KIF13A: variants seen among roughly 807,000 people sequenced by gnomAD.
The protein encoded by KIF13A is kinesin-like protein KIF13A.
Under a neutral mutation model 212.2 loss-of-function variants are expected in KIF13A, and 79 were observed. That is an observed-to-expected ratio of 0.37 (90% CI 0.31 to 0.45). KIF13A has a LOEUF of 0.45. Ranked by LOEUF, KIF13A falls within the 20% of genes least tolerant of loss-of-function variation. KIF13A has a pLI of 1.00. For synonymous variants in KIF13A, 789 were observed against 808.6 expected, an observed-to-expected ratio of 0.98 and a Z score of 0.41; for missense variants, 1,901 against 2,209.0, an observed-to-expected ratio of 0.86 and a Z score of 2.79.
rs1206756156 is a variant in KIF13A at position 17,977,607 on chromosome 6, A to G, written c.146+9447T>C. On this transcript the variant is annotated intron_variant, in intron 2 of 38. Transcript: ENST00000259711. ...CGAAATGTAAGTGGGAGAAAAGCAA[A>G]ACACAATTGCAACAGCAAATATTTG... 1.3e-5 allele frequency among the ~76,000 whole-genome samples: 2 copies of G among 152,260 alleles called. 1 individual carries two copies. The highest frequency in any genetic ancestry group is 4.1e-4 in the South Asian group (2 of 4,834).
At chr6:17,770,907 A>C (rs1419955517) in intron 38 of KIF13A, 5 of 540,848 alleles carry the variant, frequency 9.2e-6, no homozygotes, top group Non-Finnish European at 1.5e-5. Context: ...AAGCAAACTT[A>C]AGCAAAAAAT....
chr6:17,793,949 G>C (rs1427576618), intron 25 of KIF13A, among the ~76,000 whole-genome samples: 1 of 151,930 alleles, frequency 6.6e-6, no homozygotes, highest in East Asian at 1.9e-4. Flanking sequence ...CCCAAAAAGT[G>C]GATCAGGTCA....
Position 17,810,000 on chromosome 6 carries a change from G to A in KIF13A, c.2001-1070C>T, listed in dbSNP as rs1763295535. Reference sequence around the variant, plus strand: ...CCAACACTTTGGGAAGCCGAGGTGGGAGGATCACTTGAGGCCAGGAGTTCA... The same window carrying A: ...CCAACACTTTGGGAAGCCGAGGTGGAAGGATCACTTGAGGCCAGGAGTTCA... On this transcript the variant is annotated intron_variant, in intron 17 of 38. Transcript: ENST00000259711. The surrounding 1 kb of genome is among the most constrained non-coding windows in gnomAD (Gnocchi z 4.7). Among the ~76,000 whole-genome samples the A allele has an allele frequency of 6.6e-6, 1 of 152,192 alleles. No homozygotes were observed.
At chr6:17,909,496 C>T (rs1040171632) in intron 2 of KIF13A, among the ~76,000 whole-genome samples, 1 of 145,864 alleles carries the variant, frequency 6.9e-6, no homozygotes, top group African/African-American at 2.6e-5. Flanking sequence ...GATCACGCCA[C>T]TGCACTCCAG....
intron 3 of KIF13A, among the ~76,000 whole-genome samples, chr6:17,875,145 T>A (rs1770431903): frequency 6.6e-6 from 1 of 152,000 alleles, no homozygotes; most frequent in Admixed American, 6.6e-5. Context: ...TATAATGACT[T>A]ATTTTCCTCT....
intron 22 of KIF13A, among the ~76,000 whole-genome samples, chr6:17,798,843 A>C (rs1762253851): frequency 6.6e-6 from 1 of 152,242 alleles, no homozygotes; most frequent in Non-Finnish European, 1.5e-5. Flanking sequence ...TATATTCATA[A>C]GAATCAGATG....
chr6:17,944,036 A>T (rs1581805000), intron 2 of KIF13A, among the ~76,000 whole-genome samples: 1 of 152,208 alleles, frequency 6.6e-6, no homozygotes, highest in South Asian at 2.1e-4. Context: ...ACACTTGCTG[A>T]AGATTTTTCT....
At chr6:17,948,868 A>C (rs1036676802) in intron 2 of KIF13A, among the ~76,000 whole-genome samples, 3 of 152,010 alleles carry the variant, frequency 2.0e-5, no homozygotes, top group African/African-American at 7.2e-5. Context: ...GCCTGGCCCA[A>C]ACATCTTTTT....
chr6:17,817,246 G>A lies in KIF13A; in HGVS notation c.1787-13C>T. The stretch of plus-strand genomic sequence containing the variant: ...TTTTGAACTGGGTCTAGTGAGCCAA[G>A]AGACAAGGCAAGGTGTCTTAGTGGC... On this transcript the variant is annotated splice_polypyrimidine_tract_variant and intron_variant, in intron 16 of 38. Transcript: ENST00000259711. 2 of 1,611,952 alleles carry A rather than the reference G, an allele frequency of 1.2e-6. No homozygotes were observed. The highest frequency in any genetic ancestry group is 1.7e-6 in the Non-Finnish European group (2 of 1,178,060).
Position 17,883,262 on chromosome 6 carries a change from G to A in KIF13A, c.160-9825C>T, listed in dbSNP as rs980072923. ...CTCAGGAGGCTGAAGCAAGAGGACT[G>A]CTTGAGCCCAGAAGTTTAAGCCTGC... On this transcript the variant is annotated intron_variant, in intron 3 of 38. Transcript: ENST00000259711. The surrounding 1 kb of genome is among the most constrained non-coding windows in gnomAD (Gnocchi z 4.8). Among the ~76,000 whole-genome samples, 2 of 152,246 alleles carry A rather than the reference G, an allele frequency of 1.3e-5. No individual in the cohort carries two copies. Among genetic ancestry groups the A allele is most frequent in the South Asian group, 4.1e-4 (2 of 4,828 alleles).
chr6:17,887,662 A>G (rs1468158135), intron 3 of KIF13A, among the ~76,000 whole-genome samples: 1 of 151,946 alleles, frequency 6.6e-6, no homozygotes, highest in African/African-American at 2.4e-5. Context: ...CTAATACGTC[A>G]ATTACTTTCT....
Position 17,897,626 on chromosome 6 carries a change from C to A in KIF13A, c.159+542G>T, listed in dbSNP as rs1486995448. Among the ~76,000 whole-genome samples the A allele has an allele frequency of 6.6e-6, 1 of 152,170 alleles. No homozygotes were observed. Among genetic ancestry groups the A allele is most frequent in the Non-Finnish European group, 1.5e-5 (1 of 68,032 alleles). ...TGGCCATTGTGATGGGCTAGGAACT[C>A]CAATGAGGCATATAAAGTTGGTAGA... is the stretch of plus-strand genomic sequence containing the variant. On this transcript the variant is annotated intron_variant, in intron 3 of 38. Coordinates refer to ENST00000259711, the MANE Select transcript of KIF13A (RefSeq NM_022113.6). The surrounding 1 kb of genome is among the most constrained non-coding windows in gnomAD (Gnocchi z 4.8).
In KIF13A at chr6:17,805,395, G is replaced by GTA. The variant is rs1762856689; in HGVS notation, c.2304+79_2304+80insTA. 4.9e-6 allele frequency: 3 copies of GTA among 613,364 alleles called. No individual in the cohort carries two copies. The African/African-American group carries it at 6.0e-5, about 12-fold the overall frequency. 38.0% of individuals were successfully genotyped at this position (613,364 alleles called of 1,614,324 possible). A position where few individuals can be genotyped will look rare whatever the true frequency, so the allele number is the denominator to read the frequency against. On this transcript the variant is annotated intron_variant, in intron 19 of 38. Transcript: ENST00000259711. ...CGTGTGTGTGTGTGTGTGTGTGTGT[G>GTA]TGTGTGTGTGTGTTGCTAAATCGCT... is the stretch of plus-strand genomic sequence containing the variant.
chr6:17,855,917 C>T lies in KIF13A; in HGVS notation c.313+113G>A. 7 of 737,788 alleles carry T rather than the reference C, an allele frequency of 9.5e-6. No individual in the cohort carries two copies. The highest frequency in any genetic ancestry group is 1.6e-5 in the Non-Finnish European group (7 of 434,280). The allele number at this position is 737,788 out of a possible 1,614,324, so 45.7% of individuals were successfully genotyped here. On this transcript the variant is annotated intron_variant, in intron 5 of 38. Transcript: ENST00000259711. The surrounding 1 kb of genome is among the most constrained non-coding windows in gnomAD (Gnocchi z 4.1). The stretch of plus-strand genomic sequence containing the variant: ...TATAAAGACGGGTCTTACTATGTTG[C>T]CCAGGCTGGTCTCAAACTCCTGGGC...
intron 26 of KIF13A, among the ~76,000 whole-genome samples, chr6:17,788,793 C>T (rs552488521): frequency 2.6e-5 from 4 of 152,240 alleles, no homozygotes; most frequent in Non-Finnish European, 4.4e-5. Flanking sequence ...GGCACAATCT[C>T]GGCTCACTGC....
chr6:17,761,159 C>CA (rs1445713377), downstream of KIF13A, among the ~76,000 whole-genome samples: 2 of 152,144 alleles, frequency 1.3e-5, no homozygotes, highest in Non-Finnish European at 2.9e-5. Flanking sequence ...GGGGTTTGAA[C>CA]AAAGTCAAAC....
At chr6:17,923,096 A>T (rs1775221813) in intron 2 of KIF13A, among the ~76,000 whole-genome samples, 2 of 151,540 alleles carry the variant, frequency 1.3e-5, no homozygotes, top group Non-Finnish European at 2.9e-5. Flanking sequence ...ACATGGCGAA[A>T]CCCTGTCTCT....
At chr6:17,929,224 G>C (rs1775777954) in intron 2 of KIF13A, among the ~76,000 whole-genome samples, 1 of 152,038 alleles carries the variant, frequency 6.6e-6, no homozygotes, top group African/African-American at 2.4e-5. Flanking sequence ...GAGACAGAGA[G>C]AGAGAGACAA....
intron 2 of KIF13A, among the ~76,000 whole-genome samples, chr6:17,948,257 T>C (rs1777573800): frequency 6.6e-6 from 1 of 152,178 alleles, no homozygotes; most frequent in South Asian, 2.1e-4. Context: ...ATTACCAAAG[T>C]GTCCTAGGCT....
Sources: allele counts gnomAD v4.1 joint callset (sites outside exome capture counted in the v4.1 genomes callset), GRCh38; gene constraint gnomAD v4.1.1; non-coding constraint Gnocchi (gnomAD v3.1); transcripts MANE v1.5; gene names NCBI Gene and HGNC (gene_info 2026-07-23, HGNC 2026-07-21).